Variants in C14orf132 observed in about 807,000 individuals in gnomAD.
C14orf132 encodes uncharacterized protein C14orf132.
Under a neutral mutation model 5.8 loss-of-function variants are expected in C14orf132, and 6 were observed. That is an observed-to-expected ratio of 1.03 (90% CI 0.57 to 2.04). The LOEUF is 2.04. C14orf132 is among the 30% of genes most tolerant of loss of function. The pLI is 0.00. For synonymous variants in C14orf132, 51 were observed against 49.8 expected (o/e 1.02, Z -0.10); for missense variants, 125 against 115.8 (o/e 1.08, Z -0.37).
intron 1 of C14orf132, among the ~76,000 whole-genome samples, chr14:96,069,270 T>TGCTC (rs1259042713): frequency 4.7e-5 from 1 of 21,426 alleles, no homozygotes; most frequent in Non-Finnish European, 8.7e-5. Flanking sequence ...TATATATATA[T>TGCTC]ATATATATAT....
intron 1 of C14orf132, among the ~76,000 whole-genome samples, chr14:96,077,988 C>A (rs1033532103): frequency 2.6e-5 from 4 of 152,260 alleles, no homozygotes; most frequent in African/African-American, 9.6e-5. Context: ...CAGCTTCCTC[C>A]CTCTGGGTTC....
intron 1 of C14orf132, among the ~76,000 whole-genome samples, chr14:96,060,356 C>T (rs986131679): frequency 6.6e-6 from 1 of 152,192 alleles, no homozygotes; most frequent in Non-Finnish European, 1.5e-5. Context: ...CCCCCTACAG[C>T]TACCATCTCT....
intron 1 of C14orf132, among the ~76,000 whole-genome samples, chr14:96,075,500 G>A (rs539237224): frequency 4.6e-5 from 7 of 152,218 alleles, no homozygotes; most frequent in Admixed American, 6.5e-5. Flanking sequence ...TTCCTAGATC[G>A]TAGAGGGAAG....
Position 96,091,405 on chromosome 14 carries a change from G to A in C14orf132, c.*4670G>A, listed in dbSNP as rs1487701775. 2 of 209,624 alleles carry A rather than the reference G, an allele frequency of 9.5e-6. No homozygotes were observed. The highest frequency in any genetic ancestry group is 4.7e-5 in the African/African-American group (2 of 42,870). The allele number at this position is 209,624 out of a possible 1,614,324, so 13.0% of individuals were successfully genotyped here. On this transcript the variant is annotated 3_prime_UTR_variant, in exon 2 of 2. Transcript: ENST00000555004. ...GACCTTTAATTTTTCGGGGAGAGCA[G>A]CTGAGGCCGTGTGGAAAATTAGTGG...
At chr14:96,062,432 T>G (rs1887386034) in intron 1 of C14orf132, among the ~76,000 whole-genome samples, 1 of 152,162 alleles carries the variant, frequency 6.6e-6, no homozygotes, top group South Asian at 2.1e-4. Context: ...AAAGGACCAA[T>G]GGATCTTCGT....
Position 96,076,705 on chromosome 14 carries a change from C to T in C14orf132, c.28-9806C>T, listed in dbSNP as rs1204432774. Among the ~76,000 whole-genome samples the T allele has an allele frequency of 2.6e-5, 4 of 152,102 alleles. No homozygotes were observed. The East Asian group carries it at 7.7e-4, about 29-fold the overall frequency. ...CATTCTGTCCTGGGATGCATGCAGCCCGTGGGTTGTGGGTTGGACAAGGTT... is the reference window on the plus strand; with the variant it reads ...CATTCTGTCCTGGGATGCATGCAGCTCGTGGGTTGTGGGTTGGACAAGGTT... On this transcript the variant is annotated intron_variant, in intron 1 of 1. Transcript: ENST00000555004.
intron 1 of C14orf132, among the ~76,000 whole-genome samples, chr14:96,074,338 G>A (rs1187636366): frequency 6.6e-6 from 1 of 152,100 alleles, no homozygotes; most frequent in Non-Finnish European, 1.5e-5. Context: ...TCTTAATGGT[G>A]TTTTTCATGG....
At chr14:96,058,438 A>T (rs551750811) in intron 1 of C14orf132, among the ~76,000 whole-genome samples, 2 of 152,128 alleles carry the variant, frequency 1.3e-5, no homozygotes, top group Admixed American at 1.3e-4. Flanking sequence ...CTTATGCACC[A>T]TCTCAGGCCT....
chr14:96,066,016 G>T (rs1323092410), intron 1 of C14orf132, among the ~76,000 whole-genome samples: 1 of 152,156 alleles, frequency 6.6e-6, no homozygotes, highest in Non-Finnish European at 1.5e-5. Context: ...CCATAGCTGA[G>T]CCAACAGAGG....
chr14:96,074,953 A>T (rs533423089), intron 1 of C14orf132, among the ~76,000 whole-genome samples: 1 of 152,194 alleles, frequency 6.6e-6, no homozygotes, highest in South Asian at 2.1e-4. Flanking sequence ...ATTGACAAAC[A>T]TTCCTGCTGG....
chr14:96,070,921 T>G lies in C14orf132; in HGVS notation c.28-15590T>G, dbSNP rs75518570. Reference sequence around the variant, plus strand: ...CACTGTGAGTTAATGACTGCCACACTGTAAAGGTCATCGATCATTGTATGC... The same window carrying G: ...CACTGTGAGTTAATGACTGCCACACGGTAAAGGTCATCGATCATTGTATGC... On this transcript the variant is annotated intron_variant, in intron 1 of 1. Transcript: ENST00000555004. Among the ~76,000 whole-genome samples the G allele has an allele frequency of 2.6e-5, 4 of 152,244 alleles. No homozygotes were observed. In the East Asian group the frequency reaches 7.7e-4, roughly 29 times the overall value.
intron 1 of C14orf132, among the ~76,000 whole-genome samples, chr14:96,077,963 G>C (rs1020429291): frequency 1.8e-4 from 27 of 152,224 alleles, no homozygotes; most frequent in African/African-American, 6.5e-4. Context: ...CACAAACTTA[G>C]GGGGTTCCCT....
chr14:96,074,138 C>T (rs10144549), intron 1 of C14orf132, among the ~76,000 whole-genome samples: 43,890 of 152,076 alleles, frequency 0.29, 6,458 homozygotes, highest in South Asian at 0.36. Context: ...TGTTAACCTA[C>T]GTAACAACAA....
intron 1 of C14orf132, among the ~76,000 whole-genome samples, chr14:96,051,866 A>G (rs1168372721): frequency 6.6e-6 from 1 of 152,244 alleles, no homozygotes; most frequent in Non-Finnish European, 1.5e-5. Context: ...ATCCTTGCCA[A>G]CAGCATGAGA....
chr14:96,064,686 GA>G (rs1173638134), intron 1 of C14orf132, among the ~76,000 whole-genome samples: 2 of 152,014 alleles, frequency 1.3e-5, no homozygotes, highest in South Asian at 2.1e-4. Context: ...AAGAGTGGAA[GA>G]GGGGGCATAA....
intron 1 of C14orf132, among the ~76,000 whole-genome samples, chr14:96,066,639 G>A (rs889078036): frequency 9.2e-5 from 14 of 152,108 alleles, no homozygotes; most frequent in Admixed American, 2.0e-4. Context: ...GCTAGGCACC[G>A]GGATTCAAAG....
chr14:96,041,243 A>G (rs1236096972), intron 1 of C14orf132, among the ~76,000 whole-genome samples: 1 of 152,194 alleles, frequency 6.6e-6, no homozygotes, highest in Non-Finnish European at 1.5e-5. Flanking sequence ...AGCACCTACT[A>G]TGTGCCAGAC....
At chr14:96,078,635 T>C (rs376194863) in intron 1 of C14orf132, among the ~76,000 whole-genome samples, 7 of 152,280 alleles carry the variant, frequency 4.6e-5, no homozygotes, top group African/African-American at 1.7e-4. Flanking sequence ...GGAGTTCTCA[T>C]GTTGAGACAG....
chr14:96,069,401 T>C (rs1887640389), intron 1 of C14orf132, among the ~76,000 whole-genome samples: 1 of 151,494 alleles, frequency 6.6e-6, no homozygotes, highest in South Asian at 2.1e-4. Context: ...AAGTATACCG[T>C]GATACTCAGG....
Sources: allele counts gnomAD v4.1 joint callset (sites outside exome capture counted in the v4.1 genomes callset), GRCh38; gene constraint gnomAD v4.1.1; transcripts MANE v1.5; gene names NCBI Gene and HGNC (gene_info 2026-07-23, HGNC 2026-07-21).